GRB10: variants seen among roughly 807,000 people sequenced by gnomAD.
GRB10 encodes growth factor receptor bound protein 10, also known as growth factor receptor-bound protein 10.
GRB10 carries 20 observed loss-of-function variants against 80.9 expected under a neutral mutation model. That is an observed-to-expected ratio of 0.25 (90% CI 0.17 to 0.36). The LOEUF (loss-of-function observed/expected upper bound fraction) is 0.36, where lower values mean the gene tolerates loss of function less well. Among genes scored for constraint, GRB10 ranks in the 10% least tolerant of loss-of-function variants. The pLI is 1.00. For synonymous variants in GRB10, 291 were observed against 291.5 expected, an observed-to-expected ratio of 1.00 and a Z score of 0.02; for missense variants, 548 against 747.7, an observed-to-expected ratio of 0.73 and a Z score of 3.12.
chr7:50,783,511 C>T (rs1156344706), upstream of GRB10, among the ~76,000 whole-genome samples: 2 of 151,788 alleles, frequency 1.3e-5, no homozygotes, highest in African/African-American at 4.8e-5. Context: ...ACACCACACA[C>T]ACACATACAC....
chr7:50,695,135 C>T (rs934242041), intron 5 of GRB10, among the ~76,000 whole-genome samples: 7 of 152,172 alleles, frequency 4.6e-5, no homozygotes, highest in Admixed American at 1.3e-4. Flanking sequence ...CACACTGCCT[C>T]GTCCTCAAAG....
chr7:50,634,117 C>T (rs12530592), intron 7 of GRB10, among the ~76,000 whole-genome samples: 40,658 of 152,024 alleles, frequency 0.27, 6,633 homozygotes, highest in East Asian at 0.49. Flanking sequence ...CATGAAAGAA[C>T]AAATTTCAAA....
chr7:50,746,982 CT>C (rs1287081656), intron 3 of GRB10, among the ~76,000 whole-genome samples: 1 of 152,242 alleles, frequency 6.6e-6, no homozygotes, highest in African/African-American at 2.4e-5. Flanking sequence ...GCATGTCCTC[CT>C]CTAGCTCTAG....
chr7:50,596,833 A>AT (rs903151129), intron 17 of GRB10, among the ~76,000 whole-genome samples: 26 of 152,134 alleles, frequency 1.7e-4, no homozygotes, highest in African/African-American at 5.3e-4. Flanking sequence ...CAACCTTAAA[A>AT]TTTTTTTTTA....
intron 7 of GRB10, among the ~76,000 whole-genome samples, chr7:50,649,050 T>C (rs2057650982): frequency 6.6e-6 from 1 of 151,852 alleles, no homozygotes; most frequent in Non-Finnish European, 1.5e-5. Context: ...AGGGCGACCA[T>C]CCCCCTAGAG....
intron 7 of GRB10, among the ~76,000 whole-genome samples, chr7:50,643,614 G>T (rs1350555427): frequency 7.9e-5 from 12 of 152,178 alleles, no homozygotes. Context: ...ATCTTATTAA[G>T]GGTAAATATC....
chr7:50,659,315 G>A (rs1298995431), intron 7 of GRB10, among the ~76,000 whole-genome samples: 1 of 152,108 alleles, frequency 6.6e-6, no homozygotes, highest in Non-Finnish European at 1.5e-5. Context: ...AAAATGAGAG[G>A]TAAAAAACGT....
In GRB10 at chr7:50,749,129, TG is replaced by T. The variant is rs1395926439; in HGVS notation, c.-47+6757del. Among the ~76,000 whole-genome samples the T allele has an allele frequency of 4.0e-5, 3 of 75,092 alleles. No individual in the cohort carries two copies. In the Admixed American group the frequency reaches 5.1e-4, roughly 13 times the overall value. 49.3% of individuals were successfully genotyped at this position (75,092 alleles called of 152,430 possible). A position where few individuals can be genotyped will look rare whatever the true frequency, so the allele number is the denominator to read the frequency against. On this transcript the variant is annotated intron_variant, in intron 3 of 18. Coordinates refer to ENST00000401949, the MANE Select transcript of GRB10 (RefSeq NM_001350814.2). ...GTTTTTTTGTTTTGTTTTGTTTTTT[TG>T]TTTGTTTTTTTTTTTTGAGATGGAG...
intron 1 of GRB10, among the ~76,000 whole-genome samples, chr7:50,789,628 C>T (rs2078832057): frequency 2.6e-5 from 4 of 152,242 alleles, no homozygotes; most frequent in Non-Finnish European, 5.9e-5. Flanking sequence ...AAAAAGTCCA[C>T]TCTGTTGCTG....
At chr7:50,617,774 AC>A (rs1325727683) in intron 10 of GRB10, 4 of 477,600 alleles carry the variant, frequency 8.4e-6, no homozygotes, top group Non-Finnish European at 1.5e-5. Flanking sequence ...TTCTCCATGC[AC>A]CCCCTGGCCC....
At chr7:50,625,347 T>C (rs2052680609) in intron 8 of GRB10, among the ~76,000 whole-genome samples, 1 of 152,140 alleles carries the variant, frequency 6.6e-6, no homozygotes, top group Non-Finnish European at 1.5e-5. Context: ...CAATAATCAT[T>C]GTATTTGGGT....
chr7:50,639,441 C>T lies in GRB10; in HGVS notation c.505-12463G>A, dbSNP rs546132002. Among the ~76,000 whole-genome samples the T allele has an allele frequency of 1.8e-4, 27 of 152,078 alleles. No homozygotes were observed. In the South Asian group the frequency reaches 5.0e-3, roughly 28 times the overall value. ...CTGTAATCCCAGCACCTTGGGAGGCCGAAGTGGGCGGATCACAAGGTCAGG... is the reference window on the plus strand; with the variant it reads ...CTGTAATCCCAGCACCTTGGGAGGCTGAAGTGGGCGGATCACAAGGTCAGG... On this transcript the variant is annotated intron_variant, in intron 7 of 18. Coordinates refer to ENST00000401949, the MANE Select transcript of GRB10 (RefSeq NM_001350814.2).
chr7:50,737,721 C>T (rs569146706), intron 3 of GRB10, among the ~76,000 whole-genome samples: 6 of 152,288 alleles, frequency 3.9e-5, no homozygotes, highest in Admixed American at 2.6e-4. Context: ...TGGTGGCAGG[C>T]ACCTGCAATC....
intron 7 of GRB10, among the ~76,000 whole-genome samples, chr7:50,627,346 A>G (rs916485765): frequency 1.3e-5 from 2 of 152,112 alleles, no homozygotes; most frequent in African/African-American, 4.8e-5. Context: ...TTACAGTTGA[A>G]CCAATTGAAA....
At chr7:50,662,462 T>TG (rs1485655576) in intron 7 of GRB10, among the ~76,000 whole-genome samples, 2 of 152,158 alleles carry the variant, frequency 1.3e-5, no homozygotes, top group African/African-American at 4.8e-5. Flanking sequence ...GTGCTGCATT[T>TG]GGGGGGTGAT....
At position 50,605,279 on chromosome 7, in the gene GRB10, C is replaced by T. The variant is rs757722336; in HGVS notation, c.1389+11G>A. 8.1e-5 allele frequency: 129 copies of T among 1,600,094 alleles called. No homozygotes were observed. The highest frequency in any genetic ancestry group is 1.0e-4 in the Non-Finnish European group (121 of 1,168,810). ...GGTGCCCCTCCAGGCTGGCCAGGGC[C>T]GGGGCCTTACCCTCCAGGCGTGGCC... On this transcript the variant is annotated intron_variant, in intron 15 of 18. Transcript: ENST00000401949.
At chr7:50,767,418 G>A (rs957559310) in intron 2 of GRB10, among the ~76,000 whole-genome samples, 3 of 152,042 alleles carry the variant, frequency 2.0e-5, no homozygotes, top group Non-Finnish European at 2.9e-5. Flanking sequence ...AAATGCAGAC[G>A]ACTTCCATCC....
intron 7 of GRB10, among the ~76,000 whole-genome samples, chr7:50,639,290 G>C (rs1373999703): frequency 6.6e-6 from 1 of 152,150 alleles, no homozygotes; most frequent in Non-Finnish European, 1.5e-5. Context: ...TAGATTTCAA[G>C]TTTGCAGTGA....
At chr7:50,662,039 T>C (rs745760244) in intron 7 of GRB10, among the ~76,000 whole-genome samples, 41 of 152,230 alleles carry the variant, frequency 2.7e-4, no homozygotes, top group Non-Finnish European at 5.3e-4. Flanking sequence ...TGAAGCACAG[T>C]GTCCCACGCT....
Sources: allele counts gnomAD v4.1 joint callset (sites outside exome capture counted in the v4.1 genomes callset), GRCh38; gene constraint gnomAD v4.1.1; transcripts MANE v1.5; gene names NCBI Gene and HGNC (gene_info 2026-07-23, HGNC 2026-07-21).